ENTREP2: variants seen among roughly 807,000 people sequenced by gnomAD.
ENTREP2 encodes protein ENTREP2.
the ENTREP2 span, among the ~76,000 whole-genome samples, chr15:29,186,937 G>A: frequency 6.6e-6 from 1 of 152,168 alleles, no homozygotes; most frequent in Non-Finnish European, 1.5e-5. Context: ...AGGATTAGAG[G>A]TGAGGTATGT....
the ENTREP2 span, among the ~76,000 whole-genome samples, chr15:29,161,249 C>CT: frequency 6.6e-6 from 1 of 152,148 alleles, no homozygotes; most frequent in East Asian, 1.9e-4. Context: ...AACGTCTCCC[C>CT]TAGACAAAGT....
chr15:29,231,429 C>T, the ENTREP2 span, among the ~76,000 whole-genome samples: 1 of 152,164 alleles, frequency 6.6e-6, no homozygotes, highest in Non-Finnish European at 1.5e-5. Context: ...GAGAGTTAAT[C>T]ATAATTTTTC....
At chr15:29,207,525 C>A in the ENTREP2 span, among the ~76,000 whole-genome samples, 1 of 152,046 alleles carries the variant, frequency 6.6e-6, no homozygotes, top group Non-Finnish European at 1.5e-5. Context: ...TATCAGAATG[C>A]CCTTTTCTCA....
chr15:29,634,308 C>A, the ENTREP2 span, among the ~76,000 whole-genome samples: 1 of 152,092 alleles, frequency 6.6e-6, no homozygotes, highest in Non-Finnish European at 1.5e-5. Context: ...GGCTCCTGTG[C>A]CAGGACCCCC....
chr15:29,299,497 C>T, the ENTREP2 span, among the ~76,000 whole-genome samples: 1 of 152,152 alleles, frequency 6.6e-6, no homozygotes, highest in African/African-American at 2.4e-5. Flanking sequence ...TCCAGCATCA[C>T]AGACCTTACT....
chr15:29,140,056 ACCT>A, the ENTREP2 span, among the ~76,000 whole-genome samples: 1 of 151,354 alleles, frequency 6.6e-6, no homozygotes, highest in Non-Finnish European at 1.5e-5. Flanking sequence ...GCGCCTTCCC[ACCT>A]CCTCCCTTCT....
At chr15:29,653,034 T>A in the ENTREP2 span, among the ~76,000 whole-genome samples, 2 of 152,184 alleles carry the variant, frequency 1.3e-5, no homozygotes, top group Non-Finnish European at 2.9e-5. Flanking sequence ...GCAAGAAGTG[T>A]ATCCTTGGAT....
chr15:29,558,638 A>G, the ENTREP2 span, among the ~76,000 whole-genome samples: 2 of 1,718 alleles, frequency 1.2e-3, no homozygotes, highest in Non-Finnish European at 3.4e-3. Flanking sequence ...GATTTTTTTC[A>G]GTCAAAGTTA....
the ENTREP2 span, among the ~76,000 whole-genome samples, chr15:29,351,015 A>G: frequency 6.6e-6 from 1 of 152,248 alleles, no homozygotes; most frequent in Non-Finnish European, 1.5e-5. Flanking sequence ...ACATCAATGC[A>G]GTCACAAGTC....
chr15:29,365,748 C>A, the ENTREP2 span, among the ~76,000 whole-genome samples: 2 of 147,734 alleles, frequency 1.4e-5, no homozygotes, highest in Non-Finnish European at 3.0e-5. Flanking sequence ...AAAAAAAAAA[C>A]AAAACTGAAT....
At chr15:29,206,842 C>CTG in the ENTREP2 span, among the ~76,000 whole-genome samples, 1 of 152,176 alleles carries the variant, frequency 6.6e-6, no homozygotes, top group Non-Finnish European at 1.5e-5. Context: ...ATTACCACCA[C>CTG]ACGTAATTAC....
At chr15:29,135,509 T>G in the ENTREP2 span, among the ~76,000 whole-genome samples, 1 of 152,026 alleles carries the variant, frequency 6.6e-6, no homozygotes, top group East Asian at 1.9e-4. This position sits in a 1 kb window ranked among gnomAD's most constrained non-coding sequence, Gnocchi z 7.4. Flanking sequence ...CATTCCACAC[T>G]GAGTCATGAC....
the ENTREP2 span, among the ~76,000 whole-genome samples, chr15:29,260,012 G>T: frequency 6.6e-6 from 1 of 152,132 alleles, no homozygotes; most frequent in African/African-American, 2.4e-5. Context: ...AGAAACACAT[G>T]AATTAACAAA....
chr15:29,236,670 A>G, the ENTREP2 span, among the ~76,000 whole-genome samples: 42 of 152,284 alleles, frequency 2.8e-4, no homozygotes, highest in African/African-American at 9.9e-4. Context: ...ATAAAAAAAG[A>G]GAAATTGAAT....
chr15:29,599,955 T>A, the ENTREP2 span, among the ~76,000 whole-genome samples: 13 of 152,188 alleles, frequency 8.5e-5, no homozygotes, highest in African/African-American at 3.1e-4. Context: ...GTTTTTTTTA[T>A]TAAAACCACA....
the ENTREP2 span, among the ~76,000 whole-genome samples, chr15:29,313,352 A>T: frequency 6.6e-6 from 1 of 152,242 alleles, no homozygotes; most frequent in Non-Finnish European, 1.5e-5. Context: ...ATAGCTAAAG[A>T]GGGAAAGATG....
the ENTREP2 span, among the ~76,000 whole-genome samples, chr15:29,489,760 T>C: frequency 6.6e-6 from 1 of 152,188 alleles, no homozygotes; most frequent in Non-Finnish European, 1.5e-5. Context: ...CCCTGCCTGA[T>C]GCCGTCCACA....
the ENTREP2 span, among the ~76,000 whole-genome samples, chr15:29,482,574 A>C: frequency 6.6e-6 from 1 of 152,102 alleles, no homozygotes; most frequent in Admixed American, 6.6e-5. Flanking sequence ...GGAATGTCAT[A>C]TCTTGGGAAT....
At chr15:29,491,263 C>G in the ENTREP2 span, among the ~76,000 whole-genome samples, 1 of 152,212 alleles carries the variant, frequency 6.6e-6, no homozygotes, top group Non-Finnish European at 1.5e-5. Flanking sequence ...TCCCTCCACA[C>G]CTCCCCGTAA....
Sources: gnomAD v4.1 joint callset for allele counts (sites outside exome capture counted in the v4.1 genomes callset) on GRCh38, gnomAD v4.1.1 for gene constraint, Gnocchi (gnomAD v3.1) non-coding constraint, MANE v1.5 for transcripts, NCBI Gene and HGNC (gene_info 2026-07-23, HGNC 2026-07-21) for gene names.